The following SLC25A21 variants were observed in gnomAD, a reference collection of about 807,000 sequenced individuals.
SLC25A21 encodes mitochondrial 2-oxodicarboxylate carrier.
SLC25A21 carries 47 observed loss-of-function variants against 43.8 expected under a neutral mutation model. That is an observed-to-expected ratio of 1.07 (90% CI 0.85 to 1.37). The LOEUF (loss-of-function observed/expected upper bound fraction) is 1.37, where lower values mean the gene tolerates loss of function less well. SLC25A21 is among the 40% of genes most tolerant of loss of function. SLC25A21 has a pLI of 0.00. For synonymous variants in SLC25A21, 131 were observed against 121.3 expected (o/e 1.08, Z -0.52); for missense variants, 352 against 350.2 (o/e 1.00, Z -0.04).
At chr14:37,171,656 T>G (rs1375298378) in intron 1 of SLC25A21, among the ~76,000 whole-genome samples, 2 of 152,220 alleles carry the variant, frequency 1.3e-5, no homozygotes, top group East Asian at 3.8e-4. Flanking sequence ...TTTCTAAGAT[T>G]AATTACAACA....
At position 36,723,305 on chromosome 14, in the gene SLC25A21, C is replaced by A. The variant is rs149374434; in HGVS notation, c.438+2265G>T. ...TTGATGAACATTGCCCATAATGTGCCACATCAAAACACCACCTCATTTCAG... is the reference window on the plus strand; with the variant it reads ...TTGATGAACATTGCCCATAATGTGCAACATCAAAACACCACCTCATTTCAG... On this transcript the variant is annotated intron_variant, in intron 6 of 9. Coordinates refer to ENST00000331299, the MANE Select transcript of SLC25A21 (RefSeq NM_030631.4). Among the ~76,000 whole-genome samples the A allele has an allele frequency of 5.9e-3, 900 of 152,284 alleles. 14 individuals carry two copies. Among genetic ancestry groups the A allele is most frequent in the African/African-American group, 0.02 (851 of 41,552 alleles).
At chr14:36,823,198 C>CAA (rs1888698448) in intron 2 of SLC25A21, among the ~76,000 whole-genome samples, 1 of 152,038 alleles carries the variant, frequency 6.6e-6, no homozygotes, top group Admixed American at 6.6e-5. Flanking sequence ...AAGTCAGAGG[C>CAA]AAATGATCAT....
intron 3 of SLC25A21, among the ~76,000 whole-genome samples, chr14:36,743,510 T>G (rs1042326629): frequency 6.6e-6 from 1 of 151,862 alleles, no homozygotes; most frequent in African/African-American, 2.4e-5. Flanking sequence ...GCAAAAAAAG[T>G]CCTTCACCAG....
chr14:37,130,831 T>C (rs1020789770), intron 1 of SLC25A21, among the ~76,000 whole-genome samples: 1 of 152,224 alleles, frequency 6.6e-6, no homozygotes. Context: ...TGGATGTGAA[T>C]TCTAAACAGA....
At chr14:36,934,997 CT>C (rs35742799) in intron 1 of SLC25A21, among the ~76,000 whole-genome samples, 8,268 of 146,840 alleles carry the variant, frequency 0.056, 342 homozygotes, top group Middle Eastern at 0.15. Context: ...GGTTCTTTAT[CT>C]TTTTTTTTTT....
chr14:36,894,962 T>C lies in SLC25A21; in HGVS notation c.71-19958A>G, dbSNP rs191832786. 6.0e-3 allele frequency among the ~76,000 whole-genome samples: 908 copies of C among 152,354 alleles called. 19 individuals carry two copies. Among genetic ancestry groups the C allele is most frequent in the East Asian group, 0.029 (148 of 5,186 alleles). On this transcript the variant is annotated intron_variant, in intron 1 of 9. Coordinates refer to ENST00000331299, the MANE Select transcript of SLC25A21 (RefSeq NM_030631.4). ...TTTGCCAGTATTTTATTGAGGATTT[T>C]TGCATCGATGTTCATCAGGGACATT...
At chr14:36,687,091 A>G (rs1325841066) in intron 7 of SLC25A21, among the ~76,000 whole-genome samples, 1 of 152,168 alleles carries the variant, frequency 6.6e-6, no homozygotes, top group East Asian at 1.9e-4. Context: ...AGCTGGGATT[A>G]CAGGCATGTG....
At chr14:36,698,763 A>G (rs1406536181) in intron 7 of SLC25A21, among the ~76,000 whole-genome samples, 4 of 152,238 alleles carry the variant, frequency 2.6e-5, no homozygotes, top group South Asian at 2.1e-4. Context: ...TTTCAGCTGC[A>G]TCAGGTCATT....
At chr14:36,836,720 G>C (rs1317212316) in intron 2 of SLC25A21, among the ~76,000 whole-genome samples, 1 of 152,178 alleles carries the variant, frequency 6.6e-6, no homozygotes, top group East Asian at 1.9e-4. Flanking sequence ...AATGGATATA[G>C]GCAGTAAATG....
rs183628489 is a variant in SLC25A21 at position 37,105,999 on chromosome 14, A to G, written c.70+66282T>C. 1.1e-4 allele frequency among the ~76,000 whole-genome samples: 17 copies of G among 152,298 alleles called. No homozygotes were observed. The East Asian group carries it at 3.1e-3, about 28-fold the overall frequency. ...TTTCATGGACATTTAACAGTTCCCA[A>G]ATAATACTTTTATAATTTCTTATGC... On this transcript the variant is annotated intron_variant, in intron 1 of 9. Transcript: ENST00000331299.
chr14:36,976,504 A>G (rs955818203), intron 1 of SLC25A21, among the ~76,000 whole-genome samples: 3 of 152,126 alleles, frequency 2.0e-5, no homozygotes, highest in African/African-American at 7.3e-5. Flanking sequence ...TTAGATGATT[A>G]GCAGTTCCTT....
At chr14:36,821,483 G>A (rs1479260513) in intron 2 of SLC25A21, among the ~76,000 whole-genome samples, 1 of 152,070 alleles carries the variant, frequency 6.6e-6, no homozygotes, top group East Asian at 1.9e-4. Context: ...AAAAAATTTA[G>A]CTGTGGGTAT....
At chr14:37,103,350 G>A (rs564389687) in intron 1 of SLC25A21, among the ~76,000 whole-genome samples, 1 of 152,198 alleles carries the variant, frequency 6.6e-6, no homozygotes, top group South Asian at 2.1e-4. Flanking sequence ...AACTTACTGA[G>A]GAATTCTAAA....
chr14:37,014,056 A>G (rs752681763), intron 1 of SLC25A21, among the ~76,000 whole-genome samples: 1 of 152,074 alleles, frequency 6.6e-6, no homozygotes, highest in Non-Finnish European at 1.5e-5. Context: ...GCGAACTGTG[A>G]TCTTTTTGCT....
chr14:36,913,733 C>T (rs967381342), intron 1 of SLC25A21, among the ~76,000 whole-genome samples: 5 of 152,098 alleles, frequency 3.3e-5, no homozygotes, highest in Admixed American at 3.3e-4. Context: ...ATTTAATTGT[C>T]AGAGTAAGTT....
intron 2 of SLC25A21, among the ~76,000 whole-genome samples, chr14:36,842,681 G>A (rs17105500): frequency 0.05 from 7,554 of 152,214 alleles, 423 homozygotes; most frequent in African/African-American, 0.13. Context: ...GACAGGAGAA[G>A]ATCACCACCT....
intron 3 of SLC25A21, among the ~76,000 whole-genome samples, chr14:36,777,055 T>G (rs1423550286): frequency 6.6e-6 from 1 of 152,008 alleles, no homozygotes; most frequent in Non-Finnish European, 1.5e-5. Flanking sequence ...GTCAGGAGAT[T>G]GAGACCATCC....
At chr14:37,161,830 G>A (rs1026436603) in intron 1 of SLC25A21, among the ~76,000 whole-genome samples, 5 of 151,906 alleles carry the variant, frequency 3.3e-5, no homozygotes, top group African/African-American at 1.2e-4. Context: ...AGGCATGGTG[G>A]TGGGCACCTG....
chr14:37,093,467 G>A (rs1962626707), intron 1 of SLC25A21, among the ~76,000 whole-genome samples: 1 of 152,138 alleles, frequency 6.6e-6, no homozygotes, highest in African/African-American at 2.4e-5. Flanking sequence ...CTTTCTCTAT[G>A]GGTGGTTTTC....
Sources: gnomAD v4.1 joint callset for allele counts (sites outside exome capture counted in the v4.1 genomes callset) on GRCh38, gnomAD v4.1.1 for gene constraint, MANE v1.5 for transcripts, NCBI Gene and HGNC (gene_info 2026-07-23, HGNC 2026-07-21) for gene names.